KIAA2012: variants seen among roughly 807,000 people sequenced by gnomAD.
The protein encoded by KIAA2012 is KIAA2012, also known as uncharacterized protein KIAA2012.
A neutral mutation model predicts 150.6 loss-of-function variants in KIAA2012; 125 were observed. The observed-to-expected ratio is 0.83, with a 90% CI of 0.72 to 0.96. KIAA2012 has a LOEUF of 0.96. Among genes scored for constraint, KIAA2012 ranks in the 40% least tolerant of loss-of-function variants. The probability of loss-of-function intolerance (pLI) is 0.00; values close to 1 mark genes in which losing one functional copy is unlikely to be tolerated. For synonymous variants in KIAA2012, 462 were observed against 504.7 expected, an observed-to-expected ratio of 0.92 and a Z score of 1.13; for missense variants, 1,219 against 1,354.9, an observed-to-expected ratio of 0.90 and a Z score of 1.57.
At chr2:202,097,676 G>A (rs910475578) in intron 5 of KIAA2012, 99 bp downstream of exon 5, 53 of 1,330,750 alleles carry the variant, frequency 4.0e-5, no homozygotes, top group African/African-American at 1.5e-4. Context: ...TGCAACCTCC[G>A]CCTCCTGGGT....
chr2:202,135,942 T>C (rs1346133064), intron 12 of KIAA2012: 18 of 233,196 alleles, frequency 7.7e-5, no homozygotes, highest in Non-Finnish European at 1.2e-4. Flanking sequence ...CTTGAGCCAA[T>C]TGAATGAAAA....
At chr2:202,107,481 C>T (rs778272405) in intron 9 of KIAA2012, among the ~76,000 whole-genome samples, 3 of 152,082 alleles carry the variant, frequency 2.0e-5, no homozygotes, top group South Asian at 4.2e-4. Context: ...GGCCACAATG[C>T]GAGATGCACA....
At chr2:202,096,031 C>T (rs1480885895) in intron 4 of KIAA2012, among the ~76,000 whole-genome samples, 3 of 152,106 alleles carry the variant, frequency 2.0e-5, no homozygotes, top group African/African-American at 7.2e-5. Context: ...TTGCAGTGAG[C>T]CAAGATCATG....
chr2:202,163,019 C>T (rs1691689763), intron 14 of KIAA2012, among the ~76,000 whole-genome samples: 1 of 151,442 alleles, frequency 6.6e-6, no homozygotes, highest in South Asian at 2.1e-4. Flanking sequence ...TTTAACTAGT[C>T]CTCAATTGAT....
intron 12 of KIAA2012, among the ~76,000 whole-genome samples, chr2:202,132,775 C>CAT (rs1276427732): frequency 1.2e-4 from 4 of 33,958 alleles, no homozygotes; most frequent in Admixed American, 3.3e-4. Flanking sequence ...TACATATATA[C>CAT]ATATATATAT....
At position 202,093,082 on chromosome 2, in the gene KIAA2012, G is replaced by C. The variant is rs1246918565; in HGVS notation, c.582G>C (p.Lys194Asn). ...AGGACAGTCAACTTAATGTACCAAAGAAGCTCAGGCCACAACAAGATCTTT... is the reference window on the plus strand; with the variant it reads ...AGGACAGTCAACTTAATGTACCAAACAAGCTCAGGCCACAACAAGATCTTT... ...LLQDSQLNVPKKLRPQQDLSG... is the reference protein window; with the variant it reads ...LLQDSQLNVPNKLRPQQDLSG... The change falls in exon 4 of 24, where the codon AAG (lysine) becomes AAC (asparagine). Residue 194 changes from lysine to asparagine, a missense_variant. By Grantham distance (94) the Lys-to-Asn change is moderately conservative. Transcript: ENST00000498697. The C allele has an allele frequency of 1.4e-5, 22 of 1,550,644 alleles. No individual in the cohort carries two copies. Among genetic ancestry groups the C allele is most frequent in the Non-Finnish European group, 1.8e-5 (21 of 1,147,026 alleles).
intron 2 of KIAA2012, among the ~76,000 whole-genome samples, chr2:202,076,248 C>G (rs1689321549): frequency 6.6e-6 from 1 of 152,206 alleles, no homozygotes; most frequent in Non-Finnish European, 1.5e-5. Context: ...ATTAACATCT[C>G]TTCCAATATG....
chr2:202,160,061 C>G (rs193166259), intron 14 of KIAA2012, among the ~76,000 whole-genome samples: 360 of 152,190 alleles, frequency 2.4e-3, no homozygotes, highest in African/African-American at 8.1e-3. Flanking sequence ...GTGCTGATCC[C>G]CACTGTGCAG....
intron 2 of KIAA2012, among the ~76,000 whole-genome samples, chr2:202,089,521 T>C (rs1473214972): frequency 6.6e-6 from 1 of 152,240 alleles, no homozygotes; most frequent in Non-Finnish European, 1.5e-5. Flanking sequence ...CCAGCTCCAC[T>C]TCTAACTGGC....
chr2:202,166,112 C>A (rs573383800), intron 15 of KIAA2012, among the ~76,000 whole-genome samples: 2 of 152,342 alleles, frequency 1.3e-5, no homozygotes, highest in African/African-American at 4.8e-5. Context: ...CAGCACAGAA[C>A]ATGGCCAAAC....
chr2:202,135,993 TA>T (rs367977936), intron 12 of KIAA2012: 8,113 of 271,062 alleles, frequency 0.03, no homozygotes, highest in South Asian at 0.052. Flanking sequence ...GATTCAAATT[TA>T]AAAAAAAAAA....
At chr2:202,179,509 AG>A (rs1692072426) in intron 15 of KIAA2012, 1 of 702,506 alleles carries the variant, frequency 1.4e-6, no homozygotes, top group Admixed American at 1.8e-5. Context: ...CCAAGCACAT[AG>A]GTTTGGTGTA....
chr2:202,080,190 G>A (rs924396921), intron 2 of KIAA2012, among the ~76,000 whole-genome samples: 1 of 152,162 alleles, frequency 6.6e-6, no homozygotes, highest in African/African-American at 2.4e-5. Flanking sequence ...TTAACAGTAT[G>A]TTTAAAAAGT....
intron 15 of KIAA2012, among the ~76,000 whole-genome samples, chr2:202,174,991 CA>C (rs1162561913): frequency 6.6e-6 from 1 of 152,078 alleles, no homozygotes; most frequent in Non-Finnish European, 1.5e-5. Context: ...TTTCAAAGTT[CA>C]AATTGTCCCA....
At chr2:202,088,334 G>A (rs1380675858) in intron 2 of KIAA2012, among the ~76,000 whole-genome samples, 1 of 152,140 alleles carries the variant, frequency 6.6e-6, no homozygotes, top group Non-Finnish European at 1.5e-5. Context: ...ACAAGAAAAA[G>A]GAGAAAAGAC....
intron 12 of KIAA2012, among the ~76,000 whole-genome samples, chr2:202,132,355 G>A (rs1486417461): frequency 6.6e-6 from 1 of 151,956 alleles, no homozygotes; most frequent in East Asian, 1.9e-4. Context: ...TTATTTGTTT[G>A]AGAAGAAGTG....
chr2:202,177,781 T>C (rs1336136706), intron 15 of KIAA2012, among the ~76,000 whole-genome samples: 1 of 152,230 alleles, frequency 6.6e-6, no homozygotes, highest in African/African-American at 2.4e-5. Context: ...CCAACACTGC[T>C]GCATTGAATA....
At chr2:202,150,249 C>T (rs931336001) in intron 13 of KIAA2012, among the ~76,000 whole-genome samples, 1 of 152,168 alleles carries the variant, frequency 6.6e-6, no homozygotes, top group Non-Finnish European at 1.5e-5. Flanking sequence ...CAAATTAACT[C>T]GTTAATCTTT....
At chr2:202,107,098 T>C (rs1575015074) in intron 9 of KIAA2012, among the ~76,000 whole-genome samples, 1 of 152,164 alleles carries the variant, frequency 6.6e-6, no homozygotes, top group East Asian at 1.9e-4. Context: ...GGTAGTATGT[T>C]TGAGGTCACA....
Sources: allele counts gnomAD v4.1 joint callset (sites outside exome capture counted in the v4.1 genomes callset), GRCh38; gene constraint gnomAD v4.1.1; transcripts MANE v1.5; gene names NCBI Gene and HGNC (gene_info 2026-07-23, HGNC 2026-07-21).